DHRS2: variants seen among roughly 807,000 people sequenced by gnomAD.
The protein encoded by DHRS2 is dehydrogenase/reductase 2, also known as dehydrogenase/reductase SDR family member 2, mitochondrial.
DHRS2 carries 29 observed loss-of-function variants against 26.3 expected under a neutral mutation model. That is an observed-to-expected ratio of 1.10 (90% CI 0.82 to 1.50). The LOEUF (loss-of-function observed/expected upper bound fraction) is 1.50, where lower values mean the gene tolerates loss of function less well. Among genes scored for constraint, DHRS2 ranks in the 40% most tolerant of loss-of-function variants. The pLI is 0.00. For synonymous variants in DHRS2, 164 were observed against 151.3 expected, an observed-to-expected ratio of 1.08 and a Z score of -0.62; for missense variants, 439 against 367.1, an observed-to-expected ratio of 1.20 and a Z score of -1.60.
At position 23,645,304 on chromosome 14, in the gene DHRS2, G is replaced by A. The variant is rs1433588111; in HGVS notation, c.*51G>A. On this transcript the variant is annotated 3_prime_UTR_variant, in exon 9 of 9. Transcript: ENST00000250383. ...GTGGTCCCAGGCCCAGGAGCCTGAG[G>A]GGGTGTCTAGGTGATCATTTGGATC... 2 of 1,612,164 alleles carry A rather than the reference G, an allele frequency of 1.2e-6. No homozygotes were observed. The highest frequency in any genetic ancestry group is 1.7e-6 in the Non-Finnish European group (2 of 1,179,848).
At chr14:23,642,084 C>T (rs775853923) in intron 4 of DHRS2, 25 of 1,065,764 alleles carry the variant, frequency 2.3e-5, no homozygotes, top group Non-Finnish European at 2.6e-5. Flanking sequence ...TGTGACTTAG[C>T]CCAGATTCAG....
Position 23,639,219 on chromosome 14 carries a change from G to A in DHRS2, c.181G>A (p.Ala61Thr). The stretch of plus-strand genomic sequence containing the variant: ...CGCCCGACGTCTGGCCCGGGACGGG[G>A]CCCACGTGGTCATCAGCAGCCGGAA... Reference protein sequence around the residue: ...AIARRLARDGAHVVISSRKQQ... With the variant: ...AIARRLARDGTHVVISSRKQQ... The change falls in exon 3 of 9, where the codon GCC becomes ACC. Residue 61 changes from alanine to threonine, a missense_variant. Coordinates refer to ENST00000250383, the MANE Select transcript of DHRS2 (RefSeq NM_005794.4). 1 of 1,613,904 alleles carries A rather than the reference G, an allele frequency of 6.2e-7. No homozygotes were observed. Among genetic ancestry groups the A allele is most frequent in the Admixed American group, 1.7e-5 (1 of 59,996 alleles).
chr14:23,644,900 A>G lies in DHRS2; in HGVS notation c.731+18A>G, dbSNP rs777466350. On this transcript the variant is annotated intron_variant, in intron 8 of 8. Transcript: ENST00000250383. ...CTGCAGAGGCAAGTGGGGTTTGGAG[A>G]TTTGGTGGTCCATGTGTGGCTAGGC... is the stretch of plus-strand genomic sequence containing the variant. 3 of 1,613,702 alleles carry G rather than the reference A, an allele frequency of 1.9e-6. No homozygotes were observed. The highest frequency in any genetic ancestry group is 2.7e-5 in the African/African-American group (2 of 74,894).
At chr14:23,637,867 G>A (rs1890409209) in intron 1 of DHRS2, among the ~76,000 whole-genome samples, 1 of 152,088 alleles carries the variant, frequency 6.6e-6, no homozygotes, top group Admixed American at 6.5e-5. Flanking sequence ...CTATAAAACA[G>A]ACCAATCAGC....
intron 7 of DHRS2, 70 bp downstream of exon 7, chr14:23,644,613 C>G: frequency 6.2e-7 from 1 of 1,609,020 alleles, no homozygotes; most frequent in Admixed American, 1.7e-5. Context: ...AATAAGGGAT[C>G]AAGGGGTGAC....
At position 23,636,782 on chromosome 14, in the gene DHRS2, A is replaced by G. The variant is rs1229912372; in HGVS notation, c.-39+10A>G. The G allele has an allele frequency of 6.6e-6, 1 of 152,230 alleles. No homozygotes were observed. The highest frequency in any genetic ancestry group is 1.5e-5 in the Non-Finnish European group (1 of 68,048). The allele number at this position is 152,230 out of a possible 1,614,324, so 9.4% of individuals were successfully genotyped here. A position where few individuals can be genotyped will look rare whatever the true frequency, so the allele number is the denominator to read the frequency against. ...CACCTATCGCCAAGTGGTGAGTACC[A>G]TCAGATCCCTTTCATTTGCTATTCT... On this transcript the variant is annotated intron_variant, in intron 1 of 8. Transcript: ENST00000250383.
intron 1 of DHRS2, chr14:23,638,345 T>C: frequency 5.6e-6 from 1 of 178,172 alleles, no homozygotes; most frequent in South Asian, 1.4e-4. Context: ...CGAGGGTCCG[T>C]GGCTTCATTC....
At chr14:23,639,516 G>T (rs554982211) in intron 3 of DHRS2, among the ~76,000 whole-genome samples, 160 bp downstream of exon 3, 1 of 152,294 alleles carries the variant, frequency 6.6e-6, no homozygotes, top group East Asian at 1.9e-4. Context: ...CCTCAGGAAA[G>T]TGACCTGTTC....
upstream of DHRS2, among the ~76,000 whole-genome samples, chr14:23,635,529 C>G (rs1158776929): frequency 6.6e-6 from 1 of 152,198 alleles, no homozygotes; most frequent in African/African-American, 2.4e-5. Context: ...TTTTCAACTT[C>G]TCCGTATAAT....
At chr14:23,641,788 C>T (rs958814872) in intron 4 of DHRS2, 23 of 1,286,252 alleles carry the variant, frequency 1.8e-5, no homozygotes, top group Non-Finnish European at 2.3e-5. Flanking sequence ...AAGTATTTCT[C>T]CTTCCCACAT....
At chr14:23,644,688 C>A in intron 7 of DHRS2, 139 bp from the exon 8 acceptor site, 4 of 1,471,890 alleles carry the variant, frequency 2.7e-6, no homozygotes, top group Non-Finnish European at 3.8e-6. Context: ...AGCCATGGTG[C>A]AGTCCATCCA....
rs1303644000 is a variant in DHRS2 at position 23,644,544 on chromosome 14, G to A, written c.675+1G>A. ...TATCAAAACTGACTTCAGCAAAGTG[G>A]TGAGGATTGGGTGTGTCTTCCATCT... On this transcript the variant is annotated splice_donor_variant, in intron 7 of 8. Transcript: ENST00000250383. LOFTEE classifies it high-confidence loss of function. 3.1e-6 allele frequency: 5 copies of A among 1,614,114 alleles called. No homozygotes were observed. Among genetic ancestry groups the A allele is most frequent in the South Asian group, 1.1e-5 (1 of 91,094 alleles).
In DHRS2 at chr14:23,639,849, C is replaced by A. The variant is rs754048762; in HGVS notation, c.374C>A (p.Pro125His). The A allele has an allele frequency of 6.2e-7, 1 of 1,610,242 alleles. No individual in the cohort carries two copies. Among genetic ancestry groups the A allele is most frequent in the Non-Finnish European group, 8.5e-7 (1 of 1,177,990 alleles). The change falls in exon 4 of 9, where the codon CCT (proline) becomes CAT (histidine). Residue 125 changes from proline (P) to histidine (H), a missense_variant. Transcript: ENST00000250383. Reference sequence around the variant, plus strand: ...CTGGTGTGCAGCGCAGGGGTCAACCCTCTGGTAGGGAGCACTCTGGGGACC... The same window carrying A: ...CTGGTGTGCAGCGCAGGGGTCAACCATCTGGTAGGGAGCACTCTGGGGACC... ...DFLVCSAGVN[P>H]LVGSTLGTSE...
chr14:23,645,335 G>A lies in DHRS2; in HGVS notation c.*82G>A, dbSNP rs756547759. 1.9e-6 allele frequency: 3 copies of A among 1,604,496 alleles called. No individual in the cohort carries two copies. The highest frequency in any genetic ancestry group is 2.7e-5 in the African/African-American group (2 of 74,964). On this transcript the variant is annotated 3_prime_UTR_variant, in exon 9 of 9. Transcript: ENST00000250383. ...TCTAGGTGATCATTTGGATCTGGAG[G>A]CAGAGTCTGCCATTCTGCCAGACTA...
At chr14:23,639,973 C>G (rs1890569511) in intron 4 of DHRS2, 78 bp downstream of exon 4, 6 of 1,244,876 alleles carry the variant, frequency 4.8e-6, no homozygotes, top group Non-Finnish European at 6.4e-6. Flanking sequence ...CTGTGCCCAC[C>G]AAGACTCTGT....
At chr14:23,643,118 C>A (rs747429191) in intron 4 of DHRS2, 34 bp from the exon 5 acceptor site, 1 of 1,610,590 alleles carries the variant, frequency 6.2e-7, no homozygotes, top group Non-Finnish European at 8.5e-7. Context: ...GACCATGTCT[C>A]TCTGCCCTCA....
chr14:23,637,326 A>G (rs1890364711), intron 1 of DHRS2, among the ~76,000 whole-genome samples: 1 of 152,198 alleles, frequency 6.6e-6, no homozygotes, highest in Non-Finnish European at 1.5e-5. Context: ...TGGGCTCACC[A>G]ATCAGAAAGA....
upstream of DHRS2, among the ~76,000 whole-genome samples, chr14:23,635,677 G>A (rs762863226): frequency 3.9e-5 from 6 of 152,240 alleles, no homozygotes; most frequent in Admixed American, 6.5e-5. Flanking sequence ...GTGCCTCCTC[G>A]TCCTCCACAT....
chr14:23,633,653 A>T (rs141053151), upstream of DHRS2, among the ~76,000 whole-genome samples: 2 of 152,258 alleles, frequency 1.3e-5, no homozygotes, highest in African/African-American at 4.8e-5. Context: ...GTGTTCAAGG[A>T]ACTCACATGA....
Sources: allele counts gnomAD v4.1 joint callset (sites outside exome capture counted in the v4.1 genomes callset), GRCh38; gene constraint gnomAD v4.1.1; transcripts MANE v1.5; gene names NCBI Gene and HGNC (gene_info 2026-07-23, HGNC 2026-07-21).